The following TLK1 variants were observed in gnomAD, a reference collection of about 807,000 sequenced individuals.
The protein encoded by TLK1 is serine/threonine-protein kinase tousled-like 1.
Under a neutral mutation model 105.3 loss-of-function variants are expected in TLK1, and 24 were observed. The ratio of observed to expected loss-of-function variants is 0.23; its 90% confidence interval spans 0.17 to 0.32. The LOEUF is 0.32. TLK1 is among the 10% of genes least tolerant of loss of function. TLK1 has a pLI of 1.00. For synonymous variants in TLK1, 321 were observed against 310.4 expected (o/e 1.03, Z -0.36); for missense variants, 558 against 910.5 (o/e 0.61, Z 4.98).
At chr2:171,131,949 CAT>C (rs1691121862) in intron 1 of TLK1, among the ~76,000 whole-genome samples, 2 of 152,110 alleles carry the variant, frequency 1.3e-5, no homozygotes, top group African/African-American at 2.4e-5. Flanking sequence ...AAGTTCATCA[CAT>C]GATATATTTA....
chr2:171,044,159 T>C (rs971626827), intron 11 of TLK1, among the ~76,000 whole-genome samples: 4 of 152,172 alleles, frequency 2.6e-5, no homozygotes, highest in African/African-American at 9.6e-5. Context: ...CAGTGGCTCA[T>C]GCCTGTGATC....
rs1685879308 is a variant in TLK1 at position 171,028,392 on chromosome 2, C to T, written c.1183G>A (p.Glu395Lys). The T allele has an allele frequency of 6.2e-7, 1 of 1,608,526 alleles. No individual in the cohort carries two copies. Among genetic ancestry groups the T allele is most frequent in the African/African-American group, 1.3e-5 (1 of 74,756 alleles). Residue 395 changes from glutamate (E) to lysine (K), a missense_variant, in exon 12 of 21, where the codon GAA (glutamate) becomes AAA (lysine). Around this residue, in one of 5 missense-constraint regions of TLK1, gnomAD observed 218 missense variants for 492.9 expected, o/e 0.44. Coordinates refer to ENST00000431350, the MANE Select transcript of TLK1 (RefSeq NM_012290.5). Reference protein sequence around the residue: ...PNLPQLLTLAEYHEQEEIFKL... With the variant: ...PNLPQLLTLAKYHEQEEIFKL... ...AAAATTTCTTCCTGTTCATGATATT[C>T]TGCCAAAGTCAACCTGTCAAAAATG... is the stretch of plus-strand genomic sequence containing the variant.
intron 3 of TLK1, among the ~76,000 whole-genome samples, chr2:171,062,112 C>T (rs1395754890): frequency 1.3e-5 from 2 of 152,160 alleles, no homozygotes; most frequent in Non-Finnish European, 1.5e-5. Context: ...AGTAATTTTT[C>T]TGGAGTTTGA....
chr2:171,148,083 G>A (rs1691864304), intron 1 of TLK1, among the ~76,000 whole-genome samples: 1 of 152,046 alleles, frequency 6.6e-6, no homozygotes, highest in South Asian at 2.1e-4. Context: ...CTTGAGATGG[G>A]GTTTCACCGT....
intron 2 of TLK1, among the ~76,000 whole-genome samples, chr2:171,099,993 T>C (rs1231626414): frequency 6.6e-6 from 1 of 152,164 alleles, no homozygotes; most frequent in African/African-American, 2.4e-5. Flanking sequence ...GAGACAAAAA[T>C]CTGTAAATCG....
At chr2:171,123,219 C>A (rs1382064425) in intron 1 of TLK1, among the ~76,000 whole-genome samples, 1 of 152,012 alleles carries the variant, frequency 6.6e-6, no homozygotes, top group Admixed American at 6.6e-5. Context: ...TGTTTTGAGA[C>A]GGAGTCTTGC....
rs545271999 is a variant in TLK1, at chr2:171,108,596, T to C, written c.258+9143A>G. 1.1e-4 allele frequency among the ~76,000 whole-genome samples: 16 copies of C among 151,974 alleles called. No homozygotes were observed. The South Asian group carries it at 3.1e-3, about 30-fold the overall frequency. On this transcript the variant is annotated intron_variant, in intron 2 of 20. Coordinates refer to ENST00000431350, the MANE Select transcript of TLK1 (RefSeq NM_012290.5). ...AAAAACATATGCTGTCTACAAGAAA[T>C]GCATTTAATTTTTTTTTTTTTAAAT...
In TLK1 at chr2:171,006,960, AT is replaced by A. The variant is rs1392012617; in HGVS notation, c.1508+11del. On this transcript the variant is annotated intron_variant, in intron 15 of 20. Transcript: ENST00000431350. ...ATTCAATTTTAAAAAACCATAAAGT[AT>A]TAGTATTTACTTGTGGTAGTTTTCT... 4 of 1,606,942 alleles carry A rather than the reference AT, an allele frequency of 2.5e-6. No individual in the cohort carries two copies. Among genetic ancestry groups the A allele is most frequent in the African/African-American group, 1.3e-5 (1 of 74,424 alleles).
chr2:171,182,981 C>T lies in TLK1; in HGVS notation c.-6+48164G>A, dbSNP rs114311886. ...AAAGAAAGAAAGAACATTATTGTGA[C>T]GCTGGACAAACTTGAATAGGGTCTC... On this transcript the variant is annotated intron_variant, in intron 1 of 20. Transcript: ENST00000521943. Among the ~76,000 whole-genome samples, 697 of 135,808 alleles carry T rather than the reference C, an allele frequency of 5.1e-3. 8 individuals are homozygous for T. The highest frequency in any genetic ancestry group is 0.021 in the African/African-American group (652 of 31,428). 89.1% of individuals were successfully genotyped at this position (135,808 alleles called of 152,430 possible). A position where few individuals can be genotyped will look rare whatever the true frequency, so the allele number is the denominator to read the frequency against.
At chr2:171,202,744 A>G (rs1274509831) in intron 1 of TLK1, among the ~76,000 whole-genome samples, 1 of 152,186 alleles carries the variant, frequency 6.6e-6, no homozygotes, top group Non-Finnish European at 1.5e-5. Context: ...GTGACAGAGG[A>G]AGACTCCATC....
At chr2:171,199,655 G>C (rs1693360710) in intron 1 of TLK1, among the ~76,000 whole-genome samples, 1 of 152,158 alleles carries the variant, frequency 6.6e-6, no homozygotes, top group African/African-American at 2.4e-5. Context: ...GTTTGGGATG[G>C]GGCACAGTCA....
chr2:171,161,198 G>C (rs1692488470), upstream of TLK1, among the ~76,000 whole-genome samples: 2 of 149,454 alleles, frequency 1.3e-5, no homozygotes, highest in Non-Finnish European at 3.0e-5. Flanking sequence ...AGGGAGGCGC[G>C]CCCCCGCCGC....
At chr2:171,201,942 T>TATC (rs1693407358) in intron 1 of TLK1, among the ~76,000 whole-genome samples, 1 of 146,634 alleles carries the variant, frequency 6.8e-6, no homozygotes, top group Non-Finnish European at 1.5e-5. Context: ...TCTATCTATC[T>TATC]ATCATCAATC....
At chr2:171,186,321 G>A (rs188315365) in intron 1 of TLK1, among the ~76,000 whole-genome samples, 8 of 152,304 alleles carry the variant, frequency 5.3e-5, no homozygotes, top group Non-Finnish European at 5.9e-5. Context: ...CATGCCACAT[G>A]GAAGCGACAC....
chr2:171,065,590 T>C (rs543540575), intron 3 of TLK1, among the ~76,000 whole-genome samples: 1 of 151,344 alleles, frequency 6.6e-6, no homozygotes, highest in African/African-American at 2.4e-5. Flanking sequence ...CAGGCTGGAG[T>C]GCAGCGGCGC....
chr2:171,039,362 C>T (rs749091449), intron 11 of TLK1, among the ~76,000 whole-genome samples: 2 of 152,138 alleles, frequency 1.3e-5, no homozygotes, highest in Non-Finnish European at 2.9e-5. Context: ...GCCTCCCAGG[C>T]TCAAGCGATC....
At chr2:171,060,520 A>G (rs1687702810) in intron 4 of TLK1, among the ~76,000 whole-genome samples, 1 of 152,212 alleles carries the variant, frequency 6.6e-6, no homozygotes, top group African/African-American at 2.4e-5. Context: ...TAAAGTCATC[A>G]TTATACACGA....
intron 1 of TLK1, among the ~76,000 whole-genome samples, chr2:171,132,807 G>A (rs1240454927): frequency 1.3e-5 from 2 of 152,202 alleles, no homozygotes; most frequent in African/African-American, 4.8e-5. Flanking sequence ...CAAGGCTGCA[G>A]TGAGCTATGA....
chr2:171,103,864 A>T (rs1290415003), intron 2 of TLK1, among the ~76,000 whole-genome samples: 1 of 152,264 alleles, frequency 6.6e-6, no homozygotes, highest in Non-Finnish European at 1.5e-5. Context: ...ATATATAGAA[A>T]ACCCTAAAAG....
Sources: allele counts gnomAD v4.1 joint callset (sites outside exome capture counted in the v4.1 genomes callset), GRCh38; gene constraint gnomAD v4.1.1; regional missense constraint gnomAD v4.1.1; transcripts MANE v1.5; gene names NCBI Gene and HGNC (gene_info 2026-07-23, HGNC 2026-07-21).